Variants in USH2A observed in about 807,000 individuals in gnomAD.
USH2A encodes Usher syndrome 2A (autosomal recessive, mild).
A neutral mutation model predicts 538.9 loss-of-function variants in USH2A; 443 were observed. The ratio of observed to expected loss-of-function variants is 0.82; its 90% CI spans 0.76 to 0.89. The LOEUF is 0.89. USH2A is among the 40% of genes least tolerant of loss of function. USH2A has a pLI of 0.00. For missense variants in USH2A, 6,633 were observed against 6,324.8 expected (o/e 1.05, Z -1.65); for synonymous variants, 2,413 against 2,273.5 (o/e 1.06, Z -1.75).
Position 215,674,480 on chromosome 1 carries a change from A to G in USH2A, c.13431T>C (p.Tyr4477=), listed in dbSNP as rs1425338912. 1 of 1,614,110 alleles carries G rather than the reference A, an allele frequency of 6.2e-7. No homozygotes were observed. Among genetic ancestry groups the G allele is most frequent in the Non-Finnish European group, 8.5e-7 (1 of 1,180,024 alleles). Residue 4477 remains tyrosine (Y), a synonymous_variant, in exon 63 of 72, where the codon TAT becomes TAC. Transcript: ENST00000307340. ...PRNPNGQIRS[Y]ELRRDGTIVY... is the part of the protein sequence containing the mutation. ...CAATGGTTCCATCCCTCCTAAGTTC[A>G]TAACTTCTGATCTGGCCATTTGGGT...
intron 47 of USH2A, among the ~76,000 whole-genome samples, chr1:215,827,372 G>A (rs1663183862): frequency 1.3e-5 from 2 of 152,174 alleles, no homozygotes; most frequent in African/African-American, 2.4e-5. Flanking sequence ...TTCAGCGACC[G>A]AGCTGTTTCT....
At chr1:216,377,792 AG>A (rs757588968) in intron 3 of USH2A, among the ~76,000 whole-genome samples, 28 of 30,714 alleles carry the variant, frequency 9.1e-4, no homozygotes, top group East Asian at 3.4e-3. Flanking sequence ...AGAAAGAAAG[AG>A]AAGGAAAGAA....
At chr1:215,743,045 A>T in intron 59 of USH2A, 132 bp downstream of exon 59, 1 of 1,060,484 alleles carries the variant, frequency 9.4e-7, no homozygotes, top group African/African-American at 1.6e-5. Flanking sequence ...TTCTGGGTAA[A>T]CAGTCCACTA....
intron 38 of USH2A, among the ~76,000 whole-genome samples, chr1:215,912,452 T>TGTATATATATATATATATATATAC (rs1558157746): frequency 8.2e-4 from 24 of 29,198 alleles, no homozygotes; most frequent in African/African-American, 2.9e-3. Flanking sequence ...AGTAGGTATG[T>TGTATATATATATATATATATATAC]GTATATATAT....
At chr1:216,404,003 C>T (rs2039350592) in intron 3 of USH2A, among the ~76,000 whole-genome samples, 1 of 152,172 alleles carries the variant, frequency 6.6e-6, no homozygotes, top group Admixed American at 6.5e-5. Context: ...TTGTAAGTTT[C>T]CTGAGGCCTC....
intron 21 of USH2A, among the ~76,000 whole-genome samples, 173 bp from the exon 22 acceptor site, chr1:216,097,386 A>G (rs1232910876): frequency 6.6e-6 from 1 of 152,204 alleles, no homozygotes; most frequent in East Asian, 1.9e-4. Flanking sequence ...ATCCCATTTT[A>G]AATGCCATTC....
At chr1:216,160,301 C>A (rs2034031547) in intron 21 of USH2A, among the ~76,000 whole-genome samples, 1 of 151,886 alleles carries the variant, frequency 6.6e-6, no homozygotes, top group South Asian at 2.1e-4. Context: ...ATATCAGATT[C>A]CTGATATTGT....
intron 71 of USH2A, among the ~76,000 whole-genome samples, chr1:215,626,529 C>CAAAT (rs553136147): frequency 0.011 from 1,628 of 152,026 alleles, 11 homozygotes; most frequent in Non-Finnish European, 0.016. Context: ...TTGTATTTAT[C>CAAAT]AAATAGGGTT....
chr1:215,900,362 T>C, intron 39 of USH2A, 145 bp from the exon 40 acceptor site: 1 of 909,804 alleles, frequency 1.1e-6, no homozygotes, highest in Non-Finnish European at 1.7e-6. Flanking sequence ...AGATCTCTTT[T>C]AAAATAAGTA....
chr1:215,835,745 CAGTT>C (rs1260647404), intron 47 of USH2A, among the ~76,000 whole-genome samples: 3 of 152,084 alleles, frequency 2.0e-5, no homozygotes, highest in Non-Finnish European at 4.4e-5. Context: ...GTGGAAAAAA[CAGTT>C]TGTTTCCTGT....
chr1:215,709,111 G>A (rs1434709999), intron 61 of USH2A, among the ~76,000 whole-genome samples: 1 of 151,826 alleles, frequency 6.6e-6, no homozygotes, highest in African/African-American at 2.4e-5. Context: ...TATTTGATCA[G>A]AAGTGTCAAC....
At chr1:216,371,351 G>A (rs2038710291) in intron 3 of USH2A, among the ~76,000 whole-genome samples, 1 of 152,058 alleles carries the variant, frequency 6.6e-6, no homozygotes, top group South Asian at 2.1e-4. Flanking sequence ...TTAAAATGTG[G>A]CTCCAGAAAT....
intron 40 of USH2A, among the ~76,000 whole-genome samples, chr1:215,898,037 ATACAG>A (rs751009436): frequency 1.1e-4 from 16 of 152,182 alleles, no homozygotes; most frequent in Non-Finnish European, 1.5e-4. Context: ...CATCTAAAAT[ATACAG>A]TACCCTGTCA....
intron 11 of USH2A, among the ~76,000 whole-genome samples, chr1:216,267,181 G>A (rs147082727): frequency 1.4e-3 from 220 of 152,168 alleles, no homozygotes; most frequent in Non-Finnish European, 2.5e-3. Context: ...AAAACCCGGA[G>A]AATGTGGAGT....
intron 47 of USH2A, among the ~76,000 whole-genome samples, chr1:215,819,448 C>T (rs1299514996): frequency 6.6e-6 from 1 of 151,646 alleles, no homozygotes; most frequent in Non-Finnish European, 1.5e-5. Context: ...GGGGTACAAA[C>T]ATAACACATT....
chr1:215,743,384 ATATGTGTG>A (rs1558078596), intron 58 of USH2A, 49 bp from the exon 59 acceptor site: 6 of 449,510 alleles, frequency 1.3e-5, no homozygotes, highest in African/African-American at 7.9e-5. Flanking sequence ...ATATATATAT[ATATGTGTG>A]TGTGTGTGTG....
chr1:216,332,639 G>A (rs12073672), intron 4 of USH2A, among the ~76,000 whole-genome samples: 2,776 of 152,166 alleles, frequency 0.018, 90 homozygotes, highest in African/African-American at 0.061. Flanking sequence ...TGCAACATGC[G>A]TACAGATCTC....
chr1:215,918,330 G>T (rs1427240893), intron 38 of USH2A, among the ~76,000 whole-genome samples: 1 of 152,106 alleles, frequency 6.6e-6, no homozygotes, highest in African/African-American at 2.4e-5. Context: ...AATATTAGGA[G>T]ATGGAGCCTT....
chr1:215,992,036 A>G (rs1210244723), intron 35 of USH2A, among the ~76,000 whole-genome samples: 1 of 152,202 alleles, frequency 6.6e-6, no homozygotes, highest in Non-Finnish European at 1.5e-5. Flanking sequence ...AATTCTCTCC[A>G]TTACCTCAAA....
Sources: allele counts gnomAD v4.1 joint callset (sites outside exome capture counted in the v4.1 genomes callset), GRCh38; gene constraint gnomAD v4.1.1; transcripts MANE v1.5; gene names NCBI Gene and HGNC (gene_info 2026-07-23, HGNC 2026-07-21).